The following SYN3 variants were observed in gnomAD, a reference collection of about 807,000 sequenced individuals.
The protein encoded by SYN3 is synapsin III.
In SYN3, 35 loss-of-function variants were observed where a neutral mutation model predicts 65.8. The observed-to-expected ratio is 0.53, with a 90% confidence interval of 0.41 to 0.70. The LOEUF is 0.70. SYN3 is among the 30% of genes least tolerant of loss of function. The pLI is 0.00. For synonymous variants in SYN3, 270 were observed against 292.9 expected (o/e 0.92, Z 0.80); for missense variants, 680 against 749.0 (o/e 0.91, Z 1.08).
chr22:32,960,330 G>A (rs941193862), intron 3 of SYN3, among the ~76,000 whole-genome samples: 1 of 152,140 alleles, frequency 6.6e-6, no homozygotes, highest in Non-Finnish European at 1.5e-5. Context: ...GGCAACTAGG[G>A]ACAGCCCCTA....
intron 7 of SYN3, among the ~76,000 whole-genome samples, chr22:32,559,949 C>G (rs543576758): frequency 6.6e-6 from 1 of 152,112 alleles, no homozygotes; most frequent in Non-Finnish European, 1.5e-5. Flanking sequence ...GGCAAAATGG[C>G]GGAGTGTATG....
At chr22:33,005,864 G>A (rs986937752) in intron 2 of SYN3, among the ~76,000 whole-genome samples, 2 of 152,186 alleles carry the variant, frequency 1.3e-5, no homozygotes, top group Non-Finnish European at 1.5e-5. Context: ...ACTGCCAGAC[G>A]TATTTCAGAT....
chr22:32,807,004 T>C (rs1179828485), intron 6 of SYN3, among the ~76,000 whole-genome samples: 1 of 151,868 alleles, frequency 6.6e-6, no homozygotes, highest in Non-Finnish European at 1.5e-5. Context: ...GTATTCTGCT[T>C]GTTTCCCATT....
chr22:33,049,530 G>T (rs1418666091), intron 1 of SYN3, among the ~76,000 whole-genome samples: 1 of 152,198 alleles, frequency 6.6e-6, no homozygotes, highest in Non-Finnish European at 1.5e-5. Context: ...TATCTGCACT[G>T]TGCTTTTTAA....
chr22:32,884,404 C>A (rs1273017713), intron 4 of SYN3, among the ~76,000 whole-genome samples: 4 of 152,170 alleles, frequency 2.6e-5, no homozygotes, highest in African/African-American at 9.7e-5. Flanking sequence ...TCAGTTTACC[C>A]ATCTTTCAAA....
At chr22:32,950,827 GC>G (rs2051268272) in intron 3 of SYN3, among the ~76,000 whole-genome samples, 1 of 152,120 alleles carries the variant, frequency 6.6e-6, no homozygotes, top group African/African-American at 2.4e-5. Flanking sequence ...GTGGTGATTT[GC>G]CGTTCCTCCT....
chr22:32,582,329 G>T (rs542959227), intron 7 of SYN3, among the ~76,000 whole-genome samples: 2 of 150,052 alleles, frequency 1.3e-5, no homozygotes, highest in African/African-American at 2.5e-5. Flanking sequence ...GAGTTGGCAG[G>T]TCTGGAAACA....
At chr22:32,945,762 G>C (rs1159604110) in intron 3 of SYN3, among the ~76,000 whole-genome samples, 1 of 152,180 alleles carries the variant, frequency 6.6e-6, no homozygotes, top group Non-Finnish European at 1.5e-5. Context: ...GCAACCTACA[G>C]AATGGGAGAA....
Position 32,509,550 on chromosome 22 carries a change from A to G in SYN3, c.*4142T>C, listed in dbSNP as rs1271410559. Among the ~76,000 whole-genome samples, 2 of 138,818 alleles carry G rather than the reference A, an allele frequency of 1.4e-5. No individual in the cohort carries two copies. Among genetic ancestry groups the G allele is most frequent in the African/African-American group, 2.9e-5 (1 of 34,490 alleles). The allele number at this position is 138,818 out of a possible 152,430, so 91.1% of individuals were successfully genotyped here. On this transcript the variant is annotated 3_prime_UTR_variant, in exon 14 of 14. Transcript: ENST00000358763. ...GGTTCCTATGTTCATACACAGACCA[A>G]TGGGGAAAGTATTATTATTATTATT...
At chr22:32,735,047 T>C (rs2061320831) in intron 6 of SYN3, among the ~76,000 whole-genome samples, 1 of 151,818 alleles carries the variant, frequency 6.6e-6, no homozygotes, top group African/African-American at 2.4e-5. Flanking sequence ...GATTTGGGGG[T>C]GGAAGTGAGA....
chr22:32,765,310 G>A (rs1453981009), intron 6 of SYN3, among the ~76,000 whole-genome samples: 1 of 152,012 alleles, frequency 6.6e-6, no homozygotes, highest in African/African-American at 2.4e-5. Flanking sequence ...TCCCACACCC[G>A]CCACAAACCT....
At chr22:32,717,488 G>A (rs1196324638) in intron 6 of SYN3, among the ~76,000 whole-genome samples, 2 of 152,196 alleles carry the variant, frequency 1.3e-5, no homozygotes, top group Admixed American at 6.5e-5. Context: ...CTGCTTCTCT[G>A]AGTTGTCAGC....
chr22:32,709,076 G>A lies in SYN3; in HGVS notation c.712-112340C>T, dbSNP rs184210974. Among the ~76,000 whole-genome samples, 14 of 152,374 alleles carry A rather than the reference G, an allele frequency of 9.2e-5. No individual in the cohort carries two copies. In the East Asian group the frequency reaches 2.5e-3, roughly 27 times the overall value. ...AGAGGAGCTGAGGTCCCAGGGCAGC[G>A]TGGCTCTGGCCACACTGTGGTTGGG... On this transcript the variant is annotated intron_variant, in intron 6 of 13. Coordinates refer to ENST00000358763, the MANE Select transcript of SYN3 (RefSeq NM_003490.4).
chr22:32,932,384 G>A (rs2050656846), intron 3 of SYN3, among the ~76,000 whole-genome samples: 1 of 152,022 alleles, frequency 6.6e-6, no homozygotes, highest in Non-Finnish European at 1.5e-5. Context: ...GACTCGGGGT[G>A]GAAGAATGAG....
chr22:32,727,028 A>T (rs1187836123), intron 6 of SYN3, among the ~76,000 whole-genome samples: 1 of 151,174 alleles, frequency 6.6e-6, no homozygotes, highest in Non-Finnish European at 1.5e-5. Context: ...TGTGCAGGAT[A>T]TGCAGCTTCC....
intron 4 of SYN3, among the ~76,000 whole-genome samples, chr22:32,882,740 A>T (rs1406520706): frequency 6.6e-6 from 1 of 152,058 alleles, no homozygotes; most frequent in South Asian, 2.1e-4. Flanking sequence ...TAGGATCTGA[A>T]GCAAACATGG....
intron 6 of SYN3, among the ~76,000 whole-genome samples, chr22:32,622,824 C>G (rs2059614244): frequency 6.6e-6 from 1 of 151,588 alleles, no homozygotes; most frequent in African/African-American, 2.4e-5. Flanking sequence ...GGCTGAGACA[C>G]TCTTCCTACA....
At chr22:32,954,469 T>C (rs1258071266) in intron 3 of SYN3, among the ~76,000 whole-genome samples, 1 of 152,222 alleles carries the variant, frequency 6.6e-6, no homozygotes, top group Non-Finnish European at 1.5e-5. Flanking sequence ...AAAAGAACAG[T>C]GGTTAATGTT....
chr22:32,781,062 TTCCTCCCTCCCTCCC>T (rs1368502008), intron 6 of SYN3, among the ~76,000 whole-genome samples: 32 of 23,052 alleles, frequency 1.4e-3, no homozygotes, highest in Non-Finnish European at 5.4e-4. Context: ...CCTCCCTCCC[TTCCTCCCTCCCTCCC>T]TTCCATCCTC....
Sources: allele counts gnomAD v4.1 joint callset (sites outside exome capture counted in the v4.1 genomes callset), GRCh38; gene constraint gnomAD v4.1.1; transcripts MANE v1.5; gene names NCBI Gene and HGNC (gene_info 2026-07-23, HGNC 2026-07-21).